DAB1: variants seen among roughly 807,000 people sequenced by gnomAD.
The protein encoded by DAB1 is disabled homolog 1.
Under a neutral mutation model 64.6 loss-of-function variants are expected in DAB1, and 15 were observed. The ratio of observed to expected loss-of-function variants is 0.23; its 90% CI spans 0.16 to 0.36. DAB1 has a LOEUF of 0.36. Ranked by LOEUF, DAB1 falls within the 10% of genes least tolerant of loss-of-function variation. The probability of loss-of-function intolerance (pLI) is 1.00; values close to 1 mark genes in which losing one functional copy is unlikely to be tolerated. For missense variants in DAB1, 596 were observed against 706.7 expected (o/e 0.84, Z 1.78); for synonymous variants, 235 against 251.9 (o/e 0.93, Z 0.64).
intron 6 of DAB1, among the ~76,000 whole-genome samples, chr1:57,710,499 G>T (rs548735113): frequency 6.6e-6 from 1 of 152,238 alleles, no homozygotes; most frequent in South Asian, 2.1e-4. Flanking sequence ...GGCCTTATGA[G>T]CATGTTCTCA....
chr1:57,820,255 G>C (rs889288920), intron 6 of DAB1, among the ~76,000 whole-genome samples: 2 of 152,102 alleles, frequency 1.3e-5, no homozygotes, highest in African/African-American at 4.8e-5. Context: ...CCAAAGTTAC[G>C]CATTTCACCA....
At chr1:57,854,787 A>G (rs1162715739) in intron 1 of DAB1, among the ~76,000 whole-genome samples, 1 of 152,198 alleles carries the variant, frequency 6.6e-6, no homozygotes, top group East Asian at 1.9e-4. Flanking sequence ...GATTTGGCTA[A>G]GGCGGTTATG....
At chr1:57,387,000 G>A (rs1209572704) in intron 1 of DAB1, 1 of 152,032 alleles carries the variant, frequency 6.6e-6, no homozygotes, top group Non-Finnish European at 1.5e-5. Context: ...CTCAGCAGTG[G>A]AATCAGCATG....
At chr1:57,517,063 A>C (rs961018348) in intron 7 of DAB1, among the ~76,000 whole-genome samples, 7 of 152,238 alleles carry the variant, frequency 4.6e-5, no homozygotes, top group African/African-American at 1.7e-4. Context: ...CTAGCCAGTT[A>C]AAGTTAAGCT....
At chr1:57,098,994 G>A (rs1327978098) in intron 4 of DAB1, among the ~76,000 whole-genome samples, 2 of 152,166 alleles carry the variant, frequency 1.3e-5, no homozygotes, top group Non-Finnish European at 2.9e-5. Context: ...GGGACAATTC[G>A]TTTCTCAGAA....
chr1:58,493,299 C>T (rs1645733616), intron 3 of DAB1, among the ~76,000 whole-genome samples: 3 of 152,190 alleles, frequency 2.0e-5, no homozygotes, highest in Admixed American at 6.5e-5. Context: ...GACAAACTCA[C>T]AGCCAATATC....
At chr1:57,198,691 C>CACA (rs1557920338) in intron 2 of DAB1, among the ~76,000 whole-genome samples, 107 of 109,832 alleles carry the variant, frequency 9.7e-4, no homozygotes, top group African/African-American at 3.3e-3. Context: ...ACACACACAC[C>CACA]CATCAACTTT....
chr1:57,821,050 T>C (rs1652094553), intron 6 of DAB1, among the ~76,000 whole-genome samples: 1 of 152,170 alleles, frequency 6.6e-6, no homozygotes. Flanking sequence ...AAGCCAGTTC[T>C]TACTCTTCTC....
chr1:58,114,519 C>T (rs986924575), intron 5 of DAB1, among the ~76,000 whole-genome samples: 1 of 152,188 alleles, frequency 6.6e-6, no homozygotes, highest in Non-Finnish European at 1.5e-5. Context: ...CAACAGGGGT[C>T]ATCAAACTAT....
At chr1:57,095,900 G>C (rs762423276) in intron 4 of DAB1, among the ~76,000 whole-genome samples, 53 of 152,152 alleles carry the variant, frequency 3.5e-4, no homozygotes, top group Non-Finnish European at 5.7e-4. Context: ...AAAAGTTATT[G>C]CAAATATGAG....
At chr1:58,459,902 C>G (rs1303187161) in intron 3 of DAB1, among the ~76,000 whole-genome samples, 3 of 152,154 alleles carry the variant, frequency 2.0e-5, no homozygotes, top group Non-Finnish European at 4.4e-5. Flanking sequence ...CACTTGAATG[C>G]AGGATCCAGA....
rs1659759457 is a variant in DAB1, at chr1:58,231,177, C to CT, written n.310-80590dup. Among the ~76,000 whole-genome samples the CT allele has an allele frequency of 3.9e-5, 6 of 152,282 alleles. No homozygotes were observed. In the South Asian group the frequency reaches 1.2e-3, roughly 32 times the overall value. ...TATCTTTATTGTATATATGAGGAAACTGAGTCGAGAGAGTGTGAGTGAGTG... is the reference window on the plus strand; with the variant it reads ...TATCTTTATTGTATATATGAGGAAACTTGAGTCGAGAGAGTGTGAGTGAGTG... On this transcript the variant is annotated intron_variant and non_coding_transcript_variant, in intron 4 of 20. Transcript: ENST00000485760.
chr1:57,656,110 T>C (rs892907536), intron 6 of DAB1, among the ~76,000 whole-genome samples: 2 of 152,186 alleles, frequency 1.3e-5, no homozygotes, highest in African/African-American at 4.8e-5. Flanking sequence ...CTCACTCTTT[T>C]TCTGCTGTGT....
intron 3 of DAB1, among the ~76,000 whole-genome samples, chr1:58,363,831 T>C (rs190752633): frequency 1.3e-5 from 2 of 152,024 alleles, no homozygotes; most frequent in African/African-American, 2.4e-5. Flanking sequence ...TATTCTCTTC[T>C]GTTGCTGCAC....
intron 5 of DAB1, among the ~76,000 whole-genome samples, chr1:57,929,662 G>A (rs575995857): frequency 1.3e-5 from 2 of 152,276 alleles, no homozygotes; most frequent in East Asian, 3.9e-4. Context: ...TGGGAAAGAT[G>A]GTGTGGGCAT....
intron 3 of DAB1, among the ~76,000 whole-genome samples, chr1:58,481,633 G>C (rs1645484009): frequency 6.6e-6 from 1 of 152,136 alleles, no homozygotes; most frequent in Admixed American, 6.5e-5. Flanking sequence ...TAATAACCTA[G>C]TGATATGGTT....
At chr1:58,014,017 A>C (rs891257694) in intron 5 of DAB1, among the ~76,000 whole-genome samples, 1 of 152,032 alleles carries the variant, frequency 6.6e-6, no homozygotes, top group Non-Finnish European at 1.5e-5. Flanking sequence ...ACAGTGTTCC[A>C]GGGCCATACT....
intron 6 of DAB1, among the ~76,000 whole-genome samples, chr1:57,650,715 A>G (rs1232221197): frequency 2.0e-5 from 3 of 152,162 alleles, no homozygotes; most frequent in Non-Finnish European, 1.5e-5. Flanking sequence ...ACAGTAAAGA[A>G]GCAAACAGAA....
chr1:58,064,683 T>A (rs1031843168), intron 5 of DAB1, among the ~76,000 whole-genome samples: 4 of 146,922 alleles, frequency 2.7e-5, no homozygotes, highest in Admixed American at 1.4e-4. Context: ...AGATAAATTT[T>A]TTTATTTATT....
Sources: allele counts gnomAD v4.1 joint callset (sites outside exome capture counted in the v4.1 genomes callset), GRCh38; gene constraint gnomAD v4.1.1; transcripts MANE v1.5; gene names NCBI Gene and HGNC (gene_info 2026-07-23, HGNC 2026-07-21).